The following METAP1D variants were observed in gnomAD, a reference collection of about 807,000 sequenced individuals.
METAP1D encodes methionyl aminopeptidase type 1D, mitochondrial.
Under a neutral mutation model 40.5 loss-of-function variants are expected in METAP1D, and 31 were observed. The observed-to-expected ratio is 0.77, with a 90% CI of 0.58 to 1.03. The LOEUF (loss-of-function observed/expected upper bound fraction) is 1.03. Ranked by LOEUF, METAP1D falls within the 50% of genes least tolerant of loss-of-function variation. The pLI is 0.00. For synonymous variants in METAP1D, 151 were observed against 146.4 expected (o/e 1.03, Z -0.22); for missense variants, 411 against 420.7 (o/e 0.98, Z 0.20).
chr2:172,012,598 C>G (rs1297510919), intron 1 of METAP1D, among the ~76,000 whole-genome samples: 1 of 152,162 alleles, frequency 6.6e-6, no homozygotes, highest in Non-Finnish European at 1.5e-5. Flanking sequence ...GGAAGACAGT[C>G]TCGCAAAGCC....
rs775059856 is a variant in METAP1D, at chr2:172,079,233, C to T, written c.821C>T (p.Pro274Leu). The stretch of plus-strand genomic sequence containing the variant: ...TTTGCAGCAAACGACAGTGATCTAC[C>T]CATGGAGGAGGGCATGGCATTCACT... ...IWHHANDSDLPMEEGMAFTIE... is the reference protein window; with the variant it reads ...IWHHANDSDLLMEEGMAFTIE... The change falls in exon 8 of 10, where the codon CCC becomes CTC. Residue 274 changes from proline (P) to leucine (L), a missense_variant. By Grantham distance (98) the Pro-to-Leu change is moderately conservative (BLOSUM62 -3). Transcript: ENST00000315796. 1 of 1,614,038 alleles carries T rather than the reference C, an allele frequency of 6.2e-7. No individual in the cohort carries two copies. The highest frequency in any genetic ancestry group is 1.3e-5 in the African/African-American group (1 of 75,012).
At chr2:172,005,545 TC>T (rs200895087) in intron 1 of METAP1D, among the ~76,000 whole-genome samples, 13,845 of 99,258 alleles carry the variant, frequency 0.14, 960 homozygotes, top group South Asian at 0.23. Context: ...TATATATATA[TC>T]TTTTTTTTTT....
At chr2:172,059,833 G>A (rs975575350) in intron 1 of METAP1D, among the ~76,000 whole-genome samples, 1 of 152,090 alleles carries the variant, frequency 6.6e-6, no homozygotes, top group African/African-American at 2.4e-5. Flanking sequence ...GGCAGATTAC[G>A]AGGTCAGGAG....
chr2:172,029,027 T>A (rs1689182812), intron 1 of METAP1D, among the ~76,000 whole-genome samples: 1 of 152,190 alleles, frequency 6.6e-6, no homozygotes, highest in South Asian at 2.1e-4. Flanking sequence ...ACATGCATGG[T>A]CAAACCATAA....
Position 172,041,869 on chromosome 2 carries a change from C to T in METAP1D, c.41-19629C>T, listed in dbSNP as rs1446364701. ...AGGCTGGAGTGCAGTGATGCCATGT[C>T]AACTCACTGCAACCTCCGCCTCCCA... On this transcript the variant is annotated intron_variant, in intron 1 of 9. Transcript: ENST00000315796. Among the ~76,000 whole-genome samples the T allele has an allele frequency of 3.6e-5, 4 of 112,360 alleles. 1 individual carries two copies. In the Admixed American group the frequency reaches 3.7e-4, roughly 10 times the overall value. The allele number at this position is 112,360 out of a possible 152,430, so 73.7% of individuals were successfully genotyped here.
chr2:172,043,110 TATATATA>T lies in METAP1D; in HGVS notation c.41-18387_41-18381del, dbSNP rs1257173422. On this transcript the variant is annotated intron_variant, in intron 1 of 9. Coordinates refer to ENST00000315796, the MANE Select transcript of METAP1D (RefSeq NM_199227.3). ...ATATTTACATACATATATATATATA[TATATATA>T]TTTTTTGGGATACAGGATCTCACTT... 1.1e-3 allele frequency among the ~76,000 whole-genome samples: 34 copies of T among 31,420 alleles called. No homozygotes were observed. The East Asian group carries it at 0.035, about 33-fold the overall frequency. 20.6% of individuals were successfully genotyped at this position (31,420 alleles called of 152,430 possible).
At chr2:172,063,611 G>T (rs1234389689) in intron 2 of METAP1D, 100 bp from the exon 3 acceptor site, 1 of 916,162 alleles carries the variant, frequency 1.1e-6, no homozygotes. Context: ...GCTCCGGCAG[G>T]AAGGGCAGAG....
chr2:172,027,343 G>T (rs1205414420), intron 1 of METAP1D, among the ~76,000 whole-genome samples: 2 of 152,184 alleles, frequency 1.3e-5, no homozygotes, highest in Non-Finnish European at 2.9e-5. Context: ...TGTTTTTACA[G>T]TACCTTTTCC....
intron 6 of METAP1D, among the ~76,000 whole-genome samples, chr2:172,077,193 A>G (rs927210515): frequency 6.6e-5 from 10 of 152,244 alleles, no homozygotes; most frequent in African/African-American, 2.4e-4. Flanking sequence ...CAGGTCTTGA[A>G]TGGAACTCTC....
Position 172,081,273 on chromosome 2 carries a change from C to G in METAP1D, c.*867C>G, listed in dbSNP as rs978329213. The G allele has an allele frequency of 6.6e-6, 1 of 152,198 alleles. No individual in the cohort carries two copies. The highest frequency in any genetic ancestry group is 1.5e-5 in the Non-Finnish European group (1 of 68,120). The allele number at this position is 152,198 out of a possible 1,614,324, so 9.4% of individuals were successfully genotyped here. ...GTGTGAACAGTGGCTGATTAGTGGGCGGTCTAGTCTCTAAAATGACCCCTC... is the reference window on the plus strand; with the variant it reads ...GTGTGAACAGTGGCTGATTAGTGGGGGGTCTAGTCTCTAAAATGACCCCTC... On this transcript the variant is annotated 3_prime_UTR_variant, in exon 10 of 10. Transcript: ENST00000315796.
intron 1 of METAP1D, among the ~76,000 whole-genome samples, chr2:172,016,858 T>C (rs895902978): frequency 6.6e-6 from 1 of 151,916 alleles, no homozygotes; most frequent in African/African-American, 2.4e-5. Flanking sequence ...CTTTCCTCCT[T>C]GGGATCTTTG....
intron 1 of METAP1D, among the ~76,000 whole-genome samples, chr2:172,009,605 T>C (rs1688664621): frequency 6.6e-6 from 1 of 152,198 alleles, no homozygotes; most frequent in African/African-American, 2.4e-5. Context: ...AGAAGAGCTA[T>C]TGACAGAAGT....
At position 172,077,801 on chromosome 2, in the gene METAP1D, A is replaced by G. The variant is rs768926898; in HGVS notation, c.709A>G (p.Ile237Val). The change falls in exon 7 of 10, where the codon ATA (isoleucine) becomes GTA (valine). Residue 237 changes from isoleucine to valine, a missense_variant. Transcript: ENST00000315796. Reference sequence around the variant, plus strand: ...ATTTTTTGGTCACTTTTAAAGCCACATAACTCATCAGAATGGTTTTCAAGT... The same window carrying G: ...ATTTTTTGGTCACTTTTAAAGCCACGTAACTCATCAGAATGGTTTTCAAGT... ...FSVIGNTISH[I>V]THQNGFQVCP... The G allele has an allele frequency of 4.7e-5, 75 of 1,593,068 alleles. No individual in the cohort carries two copies. In the East Asian group the frequency reaches 1.4e-3, roughly 31 times the overall value.
chr2:172,001,477 G>A (rs1000397748), intron 1 of METAP1D, among the ~76,000 whole-genome samples: 23 of 152,074 alleles, frequency 1.5e-4, no homozygotes, highest in Non-Finnish European at 3.4e-4. Context: ...GGTGGAGGTT[G>A]CAGTGAGCTG....
At chr2:172,008,901 A>T (rs1315385393) in intron 1 of METAP1D, among the ~76,000 whole-genome samples, 1 of 152,166 alleles carries the variant, frequency 6.6e-6, no homozygotes, top group East Asian at 1.9e-4. Context: ...TGGATGACTA[A>T]TGGGTTGCTA....
chr2:172,003,509 T>C (rs970758838), intron 1 of METAP1D, among the ~76,000 whole-genome samples: 3 of 152,154 alleles, frequency 2.0e-5, no homozygotes, highest in Non-Finnish European at 4.4e-5. Flanking sequence ...CCCATTCTGT[T>C]CTTGTGATAA....
intron 1 of METAP1D, among the ~76,000 whole-genome samples, chr2:172,016,327 A>G (rs1166325616): frequency 9.8e-6 from 1 of 101,838 alleles, no homozygotes; most frequent in East Asian, 2.3e-4. Context: ...ATATATATAT[A>G]TATAAATAGT....
intron 6 of METAP1D, among the ~76,000 whole-genome samples, chr2:172,077,454 A>G (rs1041304723): frequency 1.3e-5 from 2 of 152,212 alleles, no homozygotes; most frequent in Admixed American, 1.3e-4. Flanking sequence ...CATTATATGC[A>G]CATATATCCC....
chr2:172,016,275 CAAAAAAA>C lies in METAP1D; in HGVS notation c.40+16286_40+16292del, dbSNP rs1172458646. 2.7e-3 allele frequency among the ~76,000 whole-genome samples: 26 copies of C among 9,714 alleles called. 1 individual carries two copies. Among genetic ancestry groups the C allele is most frequent in the East Asian group, 0.015 (16 of 1,092 alleles). 6.4% of individuals were successfully genotyped at this position (9,714 alleles called of 152,430 possible). ...TGGGTGACAGAGTGAGACCCTGTCTCAAAAAAAAAAAAAAAAAAAAAAAAAATATATA... is the reference window on the plus strand; with the variant it reads ...TGGGTGACAGAGTGAGACCCTGTCTCAAAAAAAAAAAAAAAAAAATATATA... On this transcript the variant is annotated intron_variant, in intron 1 of 9. Transcript: ENST00000315796.
Sources: allele counts gnomAD v4.1 joint callset (sites outside exome capture counted in the v4.1 genomes callset), GRCh38; gene constraint gnomAD v4.1.1; transcripts MANE v1.5; gene names NCBI Gene and HGNC (gene_info 2026-07-23, HGNC 2026-07-21).